KHDRBS2: variants seen among roughly 807,000 people sequenced by gnomAD.
KHDRBS2 encodes the protein KH domain-containing, RNA-binding, signal transduction-associated protein 2.
A neutral mutation model predicts 44.3 loss-of-function variants in KHDRBS2; 26 were observed. That is an observed-to-expected ratio of 0.59 (90% CI 0.43 to 0.81). KHDRBS2 has a LOEUF of 0.81. Ranked by LOEUF, KHDRBS2 falls within the 40% of genes least tolerant of loss-of-function variation. KHDRBS2 has a pLI of 0.00. For missense variants in KHDRBS2, 476 were observed against 433.1 expected (o/e 1.10, Z -0.88); for synonymous variants, 194 against 151.1 (o/e 1.28, Z -2.08).
At chr6:61,975,256 T>C (rs1772332730) in intron 4 of KHDRBS2, among the ~76,000 whole-genome samples, 1 of 152,134 alleles carries the variant, frequency 6.6e-6, no homozygotes, top group African/African-American at 2.4e-5. Flanking sequence ...AATTAATCCC[T>C]TTCGCAGAAG....
Position 61,977,972 on chromosome 6 carries a change from TG to T in KHDRBS2, c.483+93del, listed in dbSNP as rs1773046162. On this transcript the variant is annotated intron_variant, in intron 4 of 8. Transcript: ENST00000281156. Reference sequence around the variant, plus strand: ...GTGGATAGATCATTGGTTTGCAATATGAGTTTCCTTTTAAAAAGTCAGTGAA... The same window carrying T: ...GTGGATAGATCATTGGTTTGCAATATAGTTTCCTTTTAAAAAGTCAGTGAA... 6.7e-6 allele frequency: 7 copies of T among 1,052,226 alleles called. No individual in the cohort carries two copies. In the South Asian group the frequency reaches 9.8e-5, roughly 15 times the overall value. 65.2% of individuals were successfully genotyped at this position (1,052,226 alleles called of 1,614,324 possible).
chr6:61,875,175 C>T (rs960923502), intron 6 of KHDRBS2, among the ~76,000 whole-genome samples: 13 of 150,348 alleles, frequency 8.6e-5, no homozygotes, highest in African/African-American at 2.9e-4. Context: ...TGTGTGTGGG[C>T]GTGGTGGGGG....
chr6:62,112,434 G>A (rs1231249150), intron 2 of KHDRBS2, among the ~76,000 whole-genome samples: 1 of 152,022 alleles, frequency 6.6e-6, no homozygotes, highest in Non-Finnish European at 1.5e-5. Flanking sequence ...TCACAGTAGA[G>A]CAACAAGACT....
At chr6:61,804,302 T>G (rs946314981) in intron 6 of KHDRBS2, among the ~76,000 whole-genome samples, 9 of 152,194 alleles carry the variant, frequency 5.9e-5, no homozygotes, top group African/African-American at 2.2e-4. Flanking sequence ...ATCACGATGA[T>G]GCAAGAGGTA....
At chr6:62,158,685 G>A (rs1816977704) in intron 2 of KHDRBS2, among the ~76,000 whole-genome samples, 1 of 152,048 alleles carries the variant, frequency 6.6e-6, no homozygotes, top group Non-Finnish European at 1.5e-5. Flanking sequence ...TTCTCTTATT[G>A]AGAGAACTTG....
Position 62,227,380 on chromosome 6 carries a change from T to G in KHDRBS2, c.92-50068A>C, listed in dbSNP as rs553435881. ...TTTTTGTACAGTGATTTTTTTATCC[T>G]GAGACTTTGCTGAAGTTGCTTAGCA... On this transcript the variant is annotated intron_variant, in intron 1 of 8. Coordinates refer to ENST00000281156, the MANE Select transcript of KHDRBS2 (RefSeq NM_152688.4). 4.6e-5 allele frequency among the ~76,000 whole-genome samples: 7 copies of G among 152,360 alleles called. No homozygotes were observed. The South Asian group carries it at 1.2e-3, about 27-fold the overall frequency.
intron 2 of KHDRBS2, among the ~76,000 whole-genome samples, chr6:62,073,541 T>TG (rs1183036535): frequency 6.7e-6 from 1 of 149,698 alleles, no homozygotes; most frequent in African/African-American, 2.4e-5. Flanking sequence ...TTTTTTTTTT[T>TG]TTTTGTTTTA....
intron 1 of KHDRBS2, among the ~76,000 whole-genome samples, chr6:62,253,910 G>A (rs1050123164): frequency 2.0e-5 from 3 of 151,916 alleles, no homozygotes; most frequent in African/African-American, 7.2e-5. Context: ...ACATAGCCCT[G>A]AGGACTGGAT....
intron 6 of KHDRBS2, among the ~76,000 whole-genome samples, chr6:61,745,155 G>A (rs1343843198): frequency 6.6e-6 from 1 of 152,078 alleles, no homozygotes; most frequent in African/African-American, 2.4e-5. Context: ...ATACAACTTG[G>A]CGCTTGGTGG....
intron 6 of KHDRBS2, among the ~76,000 whole-genome samples, chr6:61,756,347 C>G (rs1189548971): frequency 6.6e-6 from 1 of 151,956 alleles, no homozygotes; most frequent in African/African-American, 2.4e-5. Flanking sequence ...ACCACCAGCT[C>G]CCAGGTTCAA....
chr6:62,059,422 C>A (rs781557874), intron 2 of KHDRBS2, among the ~76,000 whole-genome samples: 5 of 150,636 alleles, frequency 3.3e-5, no homozygotes, highest in African/African-American at 4.9e-5. Flanking sequence ...GAACATGAAG[C>A]AGAATGATGA....
intron 6 of KHDRBS2, among the ~76,000 whole-genome samples, chr6:61,829,523 G>A (rs1347287491): frequency 2.6e-5 from 4 of 151,536 alleles, no homozygotes; most frequent in African/African-American, 9.7e-5. Context: ...ACTGAATTGA[G>A]CAAAAGATTA....
At chr6:62,106,607 A>C (rs1179562765) in intron 2 of KHDRBS2, among the ~76,000 whole-genome samples, 2 of 152,140 alleles carry the variant, frequency 1.3e-5, no homozygotes, top group African/African-American at 2.4e-5. Context: ...AACTCATTTT[A>C]TGAGGCCAGC....
At chr6:61,601,857 C>T in the KHDRBS2 span, among the ~76,000 whole-genome samples, 3 of 152,114 alleles carry the variant, frequency 2.0e-5, no homozygotes, top group Non-Finnish European at 2.9e-5. Context: ...AGTTTCATTC[C>T]GTGACTAGCC....
chr6:61,593,219 C>A, the KHDRBS2 span, among the ~76,000 whole-genome samples: 3 of 152,096 alleles, frequency 2.0e-5, no homozygotes, highest in African/African-American at 7.2e-5. Flanking sequence ...TTATAAGTTG[C>A]TATAACAATT....
At chr6:61,994,805 C>T (rs1405364807) in intron 3 of KHDRBS2, among the ~76,000 whole-genome samples, 1 of 152,066 alleles carries the variant, frequency 6.6e-6, no homozygotes, top group Non-Finnish European at 1.5e-5. Context: ...AAATGGTGTA[C>T]TATTTGGACA....
chr6:62,284,867 G>A (rs1377183508), intron 1 of KHDRBS2, among the ~76,000 whole-genome samples: 1 of 152,010 alleles, frequency 6.6e-6, no homozygotes, highest in Non-Finnish European at 1.5e-5. Context: ...GAGGAGCTTG[G>A]GTAGAGGAAG....
chr6:61,739,856 G>A (rs930949642), intron 6 of KHDRBS2, among the ~76,000 whole-genome samples: 1 of 151,852 alleles, frequency 6.6e-6, no homozygotes, highest in Non-Finnish European at 1.5e-5. Context: ...AACCAAAAGA[G>A]CACAGATTCT....
chr6:61,718,735 C>G (rs911871611), intron 7 of KHDRBS2, among the ~76,000 whole-genome samples: 17 of 152,080 alleles, frequency 1.1e-4, no homozygotes, highest in African/African-American at 3.6e-4. Context: ...TCTCCCACAG[C>G]TTTCTCTGTT....
Sources: gnomAD v4.1 joint callset for allele counts (sites outside exome capture counted in the v4.1 genomes callset) on GRCh38, gnomAD v4.1.1 for gene constraint, MANE v1.5 for transcripts, NCBI Gene and HGNC (gene_info 2026-07-23, HGNC 2026-07-21) for gene names.